Variants in ENTREP1 observed in about 807,000 individuals in gnomAD.
ENTREP1 encodes Friedreich ataxia region gene X123.
chr9:69,376,734 A>T, the ENTREP1 span, among the ~76,000 whole-genome samples: 1 of 152,178 alleles, frequency 6.6e-6, no homozygotes, highest in Non-Finnish European at 1.5e-5. Flanking sequence ...GTCACCCCCA[A>T]ACTTTCTGAG....
chr9:69,342,312 A>G, the ENTREP1 span, among the ~76,000 whole-genome samples: 1 of 152,170 alleles, frequency 6.6e-6, no homozygotes, highest in Non-Finnish European at 1.5e-5. Context: ...GAGTTGAATG[A>G]TTGTTAGAAA....
At chr9:69,350,181 AT>A in the ENTREP1 span, among the ~76,000 whole-genome samples, 1 of 151,820 alleles carries the variant, frequency 6.6e-6, no homozygotes, top group African/African-American at 2.4e-5. Context: ...TACTCCTATA[AT>A]TTTTTTCTAA....
At chr9:69,333,206 G>A in the ENTREP1 span, among the ~76,000 whole-genome samples, 2 of 152,248 alleles carry the variant, frequency 1.3e-5, no homozygotes, top group Non-Finnish European at 2.9e-5. Flanking sequence ...TAACATGGAG[G>A]AGGGTGGGGT....
the ENTREP1 span, among the ~76,000 whole-genome samples, chr9:69,340,949 A>G: frequency 6.6e-6 from 1 of 152,224 alleles, no homozygotes; most frequent in Non-Finnish European, 1.5e-5. Flanking sequence ...AAGTGTTTAC[A>G]AATGATGGAC....
the ENTREP1 span, among the ~76,000 whole-genome samples, chr9:69,375,109 C>G: frequency 6.6e-6 from 1 of 152,246 alleles, no homozygotes; most frequent in East Asian, 1.9e-4. Context: ...TCCAGACTGG[C>G]TCACTCCAGA....
At chr9:69,382,538 G>A in the ENTREP1 span, 14 of 152,132 alleles carry the variant, frequency 9.2e-5, no homozygotes, top group African/African-American at 3.1e-4. Context: ...TGAGAGCCTC[G>A]CTTACGAACA....
At chr9:69,383,900 G>C in the ENTREP1 span, 1 of 1,574,468 alleles carries the variant, frequency 6.4e-7, no homozygotes, top group African/African-American at 1.3e-5. Flanking sequence ...CTAATGAGGG[G>C]TGAGTTAAAC....
chr9:69,370,140 T>C, the ENTREP1 span, among the ~76,000 whole-genome samples: 3 of 152,208 alleles, frequency 2.0e-5, no homozygotes, highest in East Asian at 3.9e-4. Context: ...ATTGGCGTAC[T>C]GATGGGCATT....
chr9:69,371,866 G>A, the ENTREP1 span, among the ~76,000 whole-genome samples: 2 of 152,166 alleles, frequency 1.3e-5, no homozygotes, highest in Admixed American at 1.3e-4. Context: ...GTTAGTGAAT[G>A]GATGGATCAG....
At chr9:69,362,312 A>T in the ENTREP1 span, among the ~76,000 whole-genome samples, 1 of 152,222 alleles carries the variant, frequency 6.6e-6, no homozygotes, top group Non-Finnish European at 1.5e-5. Flanking sequence ...AAGAAATCTT[A>T]GCAGGGAGGG....
At chr9:69,363,549 C>T in the ENTREP1 span, among the ~76,000 whole-genome samples, 1 of 152,160 alleles carries the variant, frequency 6.6e-6, no homozygotes, top group South Asian at 2.1e-4. Flanking sequence ...AAACTGTTAA[C>T]CTTTTCTAAG....
the ENTREP1 span, chr9:69,388,556 A>G: frequency 5.8e-6 from 5 of 866,288 alleles, no homozygotes; most frequent in Admixed American, 1.2e-4. Flanking sequence ...TCATGGTCAC[A>G]GTCTTCAGGG....
chr9:69,372,484 A>T, the ENTREP1 span, among the ~76,000 whole-genome samples: 1 of 152,092 alleles, frequency 6.6e-6, no homozygotes, highest in African/African-American at 2.4e-5. Context: ...TCATCTCCTC[A>T]AGGTTCATCA....
chr9:69,336,284 T>TA, the ENTREP1 span: 2 of 1,531,480 alleles, frequency 1.3e-6, no homozygotes, highest in African/African-American at 2.7e-5. Context: ...GTACTGATCT[T>TA]ATAAATTGCT....
chr9:69,349,436 C>T, the ENTREP1 span, among the ~76,000 whole-genome samples: 1 of 152,170 alleles, frequency 6.6e-6, no homozygotes, highest in African/African-American at 2.4e-5. Flanking sequence ...GTTTTGCCAA[C>T]ACTGATCGTC....
chr9:69,349,406 A>G, the ENTREP1 span, among the ~76,000 whole-genome samples: 1 of 152,108 alleles, frequency 6.6e-6, no homozygotes, highest in East Asian at 1.9e-4. Context: ...GCAGTGTTTG[A>G]AGGTTCTAGT....
At chr9:69,342,922 G>T in the ENTREP1 span, among the ~76,000 whole-genome samples, 1 of 152,250 alleles carries the variant, frequency 6.6e-6, no homozygotes, top group Non-Finnish European at 1.5e-5. Context: ...CATTGGGTAA[G>T]AACTTGGGAT....
the ENTREP1 span, among the ~76,000 whole-genome samples, chr9:69,349,162 C>T: frequency 2.1e-4 from 26 of 125,958 alleles, no homozygotes; most frequent in Admixed American, 6.1e-4. Context: ...CCAGCCTGGG[C>T]GACAAAAGCG....
At chr9:69,387,652 G>T in the ENTREP1 span, 1 of 309,280 alleles carries the variant, frequency 3.2e-6, no homozygotes, top group Non-Finnish European at 6.3e-6. Context: ...ACACAAGTCA[G>T]TACAACGTCC....
Sources: allele counts gnomAD v4.1 joint callset (sites outside exome capture counted in the v4.1 genomes callset), GRCh38; gene constraint gnomAD v4.1.1; transcripts MANE v1.5; gene names NCBI Gene and HGNC (gene_info 2026-07-23, HGNC 2026-07-21).